Variants in RWDD1 observed in about 807,000 individuals in gnomAD.
The protein encoded by RWDD1 is RWD domain containing 1.
RWDD1 carries 17 observed loss-of-function variants against 31.6 expected under a neutral mutation model. The ratio of observed to expected loss-of-function variants is 0.54; its 90% CI spans 0.37 to 0.81. The LOEUF (loss-of-function observed/expected upper bound fraction) is 0.81. Ranked by LOEUF, RWDD1 falls within the 30% of genes least tolerant of loss-of-function variation. The probability of loss-of-function intolerance (pLI) is 0.00; values close to 1 mark genes in which losing one functional copy is unlikely to be tolerated. For synonymous variants in RWDD1, 78 were observed against 94.2 expected (o/e 0.83, Z 0.99); for missense variants, 204 against 274.5 (o/e 0.74, Z 1.82).
Position 116,592,999 on chromosome 6 carries a change from A to G in RWDD1, c.630A>G (p.Val210=), listed in dbSNP as rs376937759. ...FLEDAGNNVE[V]DESLFQEMDD... is the part of the protein sequence containing the mutation. ...TTGCAGCTGGAAACAACGTGGAGGT[A>G]GATGAGTCTTTGTTCCAAGAAATGG... The change falls in exon 7 of 7, where the codon GTA becomes GTG. Residue 210 remains valine (V), a synonymous_variant. Transcript: ENST00000466444. 3.7e-6 allele frequency: 6 copies of G among 1,612,890 alleles called. No homozygotes were observed. Among genetic ancestry groups the G allele is most frequent in the Non-Finnish European group, 5.1e-6 (6 of 1,179,718 alleles).
intron 1 of RWDD1, chr6:116,572,902 T>C: frequency 5.1e-6 from 5 of 985,464 alleles, no homozygotes; most frequent in Non-Finnish European, 6.0e-6. Flanking sequence ...GTCCTGTTCA[T>C]GTTCTCTCTC....
Position 116,588,949 on chromosome 6 carries a change from GAAACAA to G in RWDD1, c.382_387del (p.Gln128_Lys129del). The G allele has an allele frequency of 7.0e-7, 1 of 1,431,740 alleles. No homozygotes were observed. Among genetic ancestry groups the G allele is most frequent in the Non-Finnish European group, 9.2e-7 (1 of 1,082,786 alleles). The allele number at this position is 1,431,740 out of a possible 1,614,324, so 88.7% of individuals were successfully genotyped here. On this transcript the variant is annotated inframe_deletion, in exon 4 of 7. Coordinates refer to ENST00000466444, the MANE Select transcript of RWDD1 (RefSeq NM_015952.4). ...TAAAAACTAGAAGAGAAGAAGAAAA[GAAACAA>G]AAAGAAAAAGAAGCAGAAGAAGCTG...
rs1443134461 is a variant in RWDD1 at position 116,590,301 on chromosome 6, T to A, written c.444T>A (p.Ile148=). 1 of 1,593,422 alleles carries A rather than the reference T, an allele frequency of 6.3e-7. No individual in the cohort carries two copies. The highest frequency in any genetic ancestry group is 2.2e-5 in the East Asian group (1 of 44,520). The change falls in exon 5 of 7, where the codon ATT becomes ATA. Residue 148 remains isoleucine (I), a synonymous_variant. Transcript: ENST00000466444. The stretch of plus-strand genomic sequence containing the variant: ...TATTCCATGGTACTCCAGTTACAAT[T>A]GAGAATTTCTTAAATTGGAAAGCCA... The part of the protein sequence containing the change: ...KQLFHGTPVT[I]ENFLNWKAKF...
intron 3 of RWDD1, among the ~76,000 whole-genome samples, chr6:116,587,978 G>A (rs2115334054): frequency 6.6e-6 from 1 of 152,172 alleles, no homozygotes; most frequent in South Asian, 2.1e-4. Flanking sequence ...AGAAGATGAT[G>A]GTTGTGTGTT....
At chr6:116,576,636 A>G (rs192981812) in intron 1 of RWDD1, among the ~76,000 whole-genome samples, 79 of 152,266 alleles carry the variant, frequency 5.2e-4, no homozygotes, top group African/African-American at 1.7e-3. Flanking sequence ...AATAGTTACT[A>G]TATGCATTTT....
intron 2 of RWDD1, among the ~76,000 whole-genome samples, chr6:116,582,534 ATTC>A (rs1774964907): frequency 1.3e-5 from 2 of 152,096 alleles, no homozygotes; most frequent in Non-Finnish European, 2.9e-5. Flanking sequence ...ACAGTACATT[ATTC>A]TTAGCTGTAG....
rs79042369 is a variant in RWDD1 at position 116,593,944 on chromosome 6, CAA to C, written c.*856_*857del. 8.2e-5 allele frequency: 10 copies of C among 121,336 alleles called. No homozygotes were observed. Among genetic ancestry groups the C allele is most frequent in the Non-Finnish European group, 1.2e-4 (7 of 56,128 alleles). 7.5% of individuals were successfully genotyped at this position (121,336 alleles called of 1,614,324 possible). On this transcript the variant is annotated 3_prime_UTR_variant, in exon 7 of 7. Transcript: ENST00000466444. ...TGGGCAACAGAGCAAGACTCCGTCT[CAA>C]AAAAAAAAAAAAGGTTTATTTGGCT...
In RWDD1 at chr6:116,588,825, CT is replaced by C; in HGVS notation, c.271-12del. On this transcript the variant is annotated splice_polypyrimidine_tract_variant and intron_variant, in intron 3 of 6. Transcript: ENST00000466444. ...TTTTCTGAGAGTTATTCCTCATCAC[CT>C]TTTTGTGTTACACAGGCTGAAGAAA... 2.6e-6 allele frequency: 4 copies of C among 1,511,582 alleles called. No homozygotes were observed. The highest frequency in any genetic ancestry group is 1.4e-5 in the South Asian group (1 of 72,224). The allele number at this position is 1,511,582 out of a possible 1,614,324, so 93.6% of individuals were successfully genotyped here.
rs188821788 is a variant in RWDD1 at position 116,586,274 on chromosome 6, G to C, written c.270+1417G>C. 2.0e-5 allele frequency among the ~76,000 whole-genome samples: 3 copies of C among 151,952 alleles called. No individual in the cohort carries two copies. In the East Asian group the frequency reaches 5.8e-4, roughly 29 times the overall value. The stretch of plus-strand genomic sequence containing the variant: ...AAATCATGAAGAAGAAGAAAATAAA[G>C]ATGATTTTTAATTGTACCAACTATG... On this transcript the variant is annotated intron_variant, in intron 3 of 6. Coordinates refer to ENST00000466444, the MANE Select transcript of RWDD1 (RefSeq NM_015952.4).
At chr6:116,586,550 GT>G (rs1348472930) in intron 3 of RWDD1, among the ~76,000 whole-genome samples, 3 of 152,022 alleles carry the variant, frequency 2.0e-5, no homozygotes, top group Non-Finnish European at 4.4e-5. Flanking sequence ...TTGTAAAACA[GT>G]TTACAGTTGT....
chr6:116,581,593 C>G (rs377116986), intron 2 of RWDD1, among the ~76,000 whole-genome samples: 1 of 151,782 alleles, frequency 6.6e-6, no homozygotes, highest in Admixed American at 6.6e-5. Context: ...AGTGAACAAA[C>G]TAGTAGAAAA....
At chr6:116,574,822 G>T (rs763270777) in intron 1 of RWDD1, among the ~76,000 whole-genome samples, 57 of 142,910 alleles carry the variant, frequency 4.0e-4, no homozygotes, top group Non-Finnish European at 6.8e-4. Context: ...CCAGGCTGGA[G>T]TGCAGTGCCC....
At chr6:116,572,238 T>C (rs187059557) in intron 1 of RWDD1, among the ~76,000 whole-genome samples, 67 of 152,230 alleles carry the variant, frequency 4.4e-4, no homozygotes, top group Non-Finnish European at 8.5e-4. Flanking sequence ...TGCTATAAAT[T>C]CATAGGTTGT....
intron 1 of RWDD1, among the ~76,000 whole-genome samples, 178 bp downstream of exon 1, chr6:116,571,833 C>G (rs1774742845): frequency 6.6e-6 from 1 of 152,060 alleles, no homozygotes; most frequent in Non-Finnish European, 1.5e-5. Context: ...GTGACTTTTT[C>G]TCCTTCTCTG....
At chr6:116,579,287 T>C (rs977109540) in intron 1 of RWDD1, among the ~76,000 whole-genome samples, 1 of 152,246 alleles carries the variant, frequency 6.6e-6, no homozygotes, top group Non-Finnish European at 1.5e-5. Context: ...TCTTTCATTC[T>C]GAAAAAGTCT....
chr6:116,580,077 AC>A (rs1336825105), intron 1 of RWDD1: 1 of 333,456 alleles, frequency 3.0e-6, no homozygotes, highest in Non-Finnish European at 5.4e-6. Context: ...AGGGTTATCT[AC>A]CATAGTTATT....
chr6:116,588,721 C>G (rs1468363150), intron 3 of RWDD1, 121 bp from the exon 4 acceptor site: 1 of 466,258 alleles, frequency 2.1e-6, no homozygotes, highest in Non-Finnish European at 3.5e-6. Context: ...TATATGCTTA[C>G]TTAAATGATC....
At chr6:116,574,889 C>T (rs1275207250) in intron 1 of RWDD1, among the ~76,000 whole-genome samples, 1 of 151,876 alleles carries the variant, frequency 6.6e-6, no homozygotes, top group African/African-American at 2.4e-5. Context: ...CCACCTCAGC[C>T]TCCAGAGTAG....
At chr6:116,573,044 A>G in intron 1 of RWDD1, 1 of 954,534 alleles carries the variant, frequency 1.0e-6, no homozygotes, top group South Asian at 4.8e-5. Context: ...GTATGTCTAA[A>G]ATAGAATATA....
Sources: allele counts gnomAD v4.1 joint callset (sites outside exome capture counted in the v4.1 genomes callset), GRCh38; gene constraint gnomAD v4.1.1; transcripts MANE v1.5; gene names NCBI Gene and HGNC (gene_info 2026-07-23, HGNC 2026-07-21).